Variants in NT5C1A observed in about 807,000 individuals in gnomAD.
NT5C1A encodes cytosolic 5'-nucleotidase 1A.
NT5C1A carries 18 observed loss-of-function variants against 31.0 expected under a neutral mutation model. That is an observed-to-expected ratio of 0.58 (90% CI 0.40 to 0.86). The LOEUF (loss-of-function observed/expected upper bound fraction) is 0.86. Ranked by LOEUF, NT5C1A falls within the 40% of genes least tolerant of loss-of-function variation. NT5C1A has a pLI of 0.00. For missense variants in NT5C1A, 470 were observed against 505.4 expected, an observed-to-expected ratio of 0.93 and a Z score of 0.67; for synonymous variants, 185 against 203.6, an observed-to-expected ratio of 0.91 and a Z score of 0.78.
rs1346868220 is a variant in NT5C1A, at chr1:39,652,602, C to T, written c.*6519G>A. Among the ~76,000 whole-genome samples, 1 of 152,126 alleles carries T rather than the reference C, an allele frequency of 6.6e-6. No homozygotes were observed. The highest frequency in any genetic ancestry group is 2.4e-5 in the African/African-American group (1 of 41,400). On this transcript the variant is annotated 3_prime_UTR_variant, in exon 6 of 6. Coordinates refer to ENST00000235628, the MANE Select transcript of NT5C1A (RefSeq NM_032526.3). ...CAAGACTAGCCTTGAGGCCTTTACC[C>T]TAATTCCGTGGCAGATGGCCATGAA...
rs758031066 is a variant in NT5C1A, at chr1:39,666,093, G to C, written c.279C>G (p.Pro93=). The change falls in exon 2 of 6, where the codon CCC becomes CCG. Residue 93 remains proline, a synonymous_variant. Coordinates refer to ENST00000235628, the MANE Select transcript of NT5C1A (RefSeq NM_032526.3). ...CCTTCACAAAAGGGAAGGCTGGCCC[G>C]GGACTGAAGGGTTCGTTCTCATGTT... is the stretch of plus-strand genomic sequence containing the variant. ...QLEHENEPFS[P]GPAFPFVKAL... 6.2e-7 allele frequency: 1 copy of C among 1,613,340 alleles called. No homozygotes were observed. Among genetic ancestry groups the C allele is most frequent in the African/African-American group, 1.3e-5 (1 of 74,936 alleles).
rs1039067484 is a variant in NT5C1A, at chr1:39,653,826, G to A, written c.*5295C>T. On this transcript the variant is annotated 3_prime_UTR_variant, in exon 6 of 6. Coordinates refer to ENST00000235628, the MANE Select transcript of NT5C1A (RefSeq NM_032526.3). Reference sequence around the variant, plus strand: ...ATCCACCTCCTTGTGTTCTACCCAAGTCAGGTGAGGCTCTGACATCCTCAG... The same window carrying A: ...ATCCACCTCCTTGTGTTCTACCCAAATCAGGTGAGGCTCTGACATCCTCAG... Among the ~76,000 whole-genome samples the A allele has an allele frequency of 6.6e-6, 1 of 152,244 alleles. No homozygotes were observed. The highest frequency in any genetic ancestry group is 1.5e-5 in the Non-Finnish European group (1 of 68,048).
rs1455109285 is a variant in NT5C1A, at chr1:39,657,704, G to GGAGGATCC, written c.*1409_*1416dup. Among the ~76,000 whole-genome samples the GGAGGATCC allele has an allele frequency of 1.3e-5, 2 of 152,210 alleles. No individual in the cohort carries two copies. Among genetic ancestry groups the GGAGGATCC allele is most frequent in the Non-Finnish European group, 2.9e-5 (2 of 68,036 alleles). On this transcript the variant is annotated 3_prime_UTR_variant, in exon 6 of 6. Transcript: ENST00000235628. ...GGGCCGCAGGGGCTCTTGCAAATGT[G>GGAGGATCC]GAGGATCCGCTGATGCATTTCATGG...
chr1:39,652,222 G>A lies in NT5C1A; in HGVS notation c.*6899C>T, dbSNP rs956874819. Among the ~76,000 whole-genome samples, 8 of 151,954 alleles carry A rather than the reference G, an allele frequency of 5.3e-5. No homozygotes were observed. The highest frequency in any genetic ancestry group is 1.9e-4 in the East Asian group (1 of 5,188). ...CCCAAGTCTCTGGGCCTGGGCCAGC[G>A]GATGCAAACTGGAGATTCAAGGGCC... is the stretch of plus-strand genomic sequence containing the variant. On this transcript the variant is annotated 3_prime_UTR_variant, in exon 6 of 6. Transcript: ENST00000235628.
intron 1 of NT5C1A, among the ~76,000 whole-genome samples, chr1:39,670,108 CATTTATTT>C (rs545466311): frequency 6.6e-6 from 1 of 152,070 alleles, no homozygotes; most frequent in Non-Finnish European, 1.5e-5. Context: ...AAATGCATTA[CATTTATTT>C]ATTTATTTAT....
intron 4 of NT5C1A, 101 bp from the exon 5 acceptor site, chr1:39,661,364 T>G: frequency 1.7e-6 from 1 of 590,640 alleles, no homozygotes; most frequent in Non-Finnish European, 3.1e-6. Flanking sequence ...CATACAGGAC[T>G]CAGGGCAAGG....
chr1:39,669,658 A>G (rs1259211256), intron 1 of NT5C1A, among the ~76,000 whole-genome samples: 2 of 152,324 alleles, frequency 1.3e-5, no homozygotes, highest in African/African-American at 4.8e-5. Flanking sequence ...ATGACTGACA[A>G]CTGGGCCTGA....
rs1011558591 is a variant in NT5C1A at position 39,657,204 on chromosome 1, T to A, written c.*1917A>T. Among the ~76,000 whole-genome samples, 1 of 152,060 alleles carries A rather than the reference T, an allele frequency of 6.6e-6. No homozygotes were observed. On this transcript the variant is annotated 3_prime_UTR_variant, in exon 6 of 6. Coordinates refer to ENST00000235628, the MANE Select transcript of NT5C1A (RefSeq NM_032526.3). ...CCAGCCTCATGGAGACCTCTGACAA[T>A]GACAGTAAAAACTCAGCCCAGCCTT...
chr1:39,665,512 C>T lies in NT5C1A; in HGVS notation c.433+9G>A, dbSNP rs779974089. 3 of 1,608,464 alleles carry T rather than the reference C, an allele frequency of 1.9e-6. No individual in the cohort carries two copies. The highest frequency in any genetic ancestry group is 2.2e-5 in the East Asian group (1 of 44,766). ...AGGGCAAACCCCCCATCCTCATGCT[C>T]ATGCTCACCATAGTGGTTGATACTG... On this transcript the variant is annotated intron_variant, in intron 3 of 5. Coordinates refer to ENST00000235628, the MANE Select transcript of NT5C1A (RefSeq NM_032526.3).
At chr1:39,663,514 C>A in intron 3 of NT5C1A, 80 bp from the exon 4 acceptor site, 1 of 1,462,836 alleles carries the variant, frequency 6.8e-7, no homozygotes, top group Non-Finnish European at 9.5e-7. Flanking sequence ...CCAGTGCACA[C>A]CATCCTAGTT....
Position 39,671,881 on chromosome 1 carries a change from G to T in NT5C1A, c.135+23C>A, listed in dbSNP as rs1177847723. ...CGGGGTAACCCTTCCCCCGTCCCCC[G>T]CATACCCGTGCATTGCTTTTACCGA... On this transcript the variant is annotated intron_variant, in intron 1 of 5. Transcript: ENST00000235628. 3 of 1,611,706 alleles carry T rather than the reference G, an allele frequency of 1.9e-6. No individual in the cohort carries two copies. The Admixed American group carries it at 5.0e-5, about 27-fold the overall frequency.
At position 39,657,226 on chromosome 1, in the gene NT5C1A, C is replaced by G. The variant is rs1646468525; in HGVS notation, c.*1895G>C. On this transcript the variant is annotated 3_prime_UTR_variant, in exon 6 of 6. Coordinates refer to ENST00000235628, the MANE Select transcript of NT5C1A (RefSeq NM_032526.3). ...CAATGACAGTAAAAACTCAGCCCAG[C>G]CTTTCTCTTCTGGCCCAAATCGTTG... 1.3e-5 allele frequency among the ~76,000 whole-genome samples: 2 copies of G among 152,194 alleles called. No homozygotes were observed. Among genetic ancestry groups the G allele is most frequent in the Non-Finnish European group, 2.9e-5 (2 of 68,042 alleles).
rs1646445943 is a variant in NT5C1A at position 39,653,754 on chromosome 1, A to C, written c.*5367T>G. Among the ~76,000 whole-genome samples, 2 of 152,182 alleles carry C rather than the reference A, an allele frequency of 1.3e-5. No homozygotes were observed. Among genetic ancestry groups the C allele is most frequent in the Non-Finnish European group, 2.9e-5 (2 of 68,020 alleles). On this transcript the variant is annotated 3_prime_UTR_variant, in exon 6 of 6. Coordinates refer to ENST00000235628, the MANE Select transcript of NT5C1A (RefSeq NM_032526.3). ...TGGTTTTGTGTTTTGCTTTAAGACT[A>C]GATAAAACCCGTGATCTGGGAAGCC... is the stretch of plus-strand genomic sequence containing the variant.
At position 39,661,041 on chromosome 1, in the gene NT5C1A, CTTGT is replaced by C. The variant is rs751684415; in HGVS notation, c.741+34_741+37del. The C allele has an allele frequency of 8.8e-6, 12 of 1,362,926 alleles. No homozygotes were observed. The East Asian group carries it at 2.6e-4, about 29-fold the overall frequency. 84.4% of individuals were successfully genotyped at this position (1,362,926 alleles called of 1,614,324 possible). ...GCCAAGGGCAGGTCTGGGGAGCTGCCTTGTTCCTCTCAGGGGTTCTGGGTCTATG... is the reference window on the plus strand; with the variant it reads ...GCCAAGGGCAGGTCTGGGGAGCTGCCTCCTCTCAGGGGTTCTGGGTCTATG... On this transcript the variant is annotated intron_variant, in intron 5 of 5. Transcript: ENST00000235628.
At chr1:39,665,956 TG>T in intron 2 of NT5C1A, 112 bp downstream of exon 2, 1 of 975,546 alleles carries the variant, frequency 1.0e-6, no homozygotes, top group Non-Finnish European at 1.5e-6. Flanking sequence ...TGTACCTGTG[TG>T]GTTACATCTG....
At chr1:39,664,490 C>CCCTCTCCTCTCCT (rs1553485419) in intron 3 of NT5C1A, among the ~76,000 whole-genome samples, 3 of 2,900 alleles carry the variant, frequency 1.0e-3, no homozygotes, top group Non-Finnish European at 6.1e-4. Context: ...GTGGATTTCT[C>CCCTCTCCTCTCCT]CTCCTCTCCT....
Position 39,659,132 on chromosome 1 carries a change from A to C in NT5C1A, c.1096T>G (p.Ser366Ala), listed in dbSNP as rs112421279. Reference protein sequence around the residue: ...RRTAPAKQAPSAQ With the variant: ...RRTAPAKQAPAAQ ...AGCCGGTGGTTCAGCTACTGTGCAG[A>C]TGGGGCCTGCTTTGCAGGTGCAGTC... The change falls in exon 6 of 6, where the codon TCT becomes GCT. Residue 366 changes from serine to alanine, a missense_variant. By Grantham distance (99) the Ser-to-Ala change is moderately conservative. Coordinates refer to ENST00000235628, the MANE Select transcript of NT5C1A (RefSeq NM_032526.3). 1.8e-3 allele frequency: 2,948 copies of C among 1,603,112 alleles called. 31 individuals are homozygous for C. In the African/African-American group the frequency reaches 0.032, roughly 17 times the overall value.
In NT5C1A at chr1:39,666,104, G is replaced by A; in HGVS notation, c.268C>T (p.Pro90Ser). Residue 90 changes from proline (P) to serine (S), a missense_variant, in exon 2 of 6, where the codon CCC becomes TCC. Coordinates refer to ENST00000235628, the MANE Select transcript of NT5C1A (RefSeq NM_032526.3). ...VRYQLEHENE[P>S]FSPGPAFPFV... ...GGGAAGGCTGGCCCGGGACTGAAGG[G>A]TTCGTTCTCATGTTCCAGCTGGTAG... 6.2e-7 allele frequency: 1 copy of A among 1,613,650 alleles called. No homozygotes were observed. The highest frequency in any genetic ancestry group is 1.1e-5 in the South Asian group (1 of 91,076).
At chr1:39,663,138 T>G (rs1333294630) in intron 4 of NT5C1A, among the ~76,000 whole-genome samples, 174 bp downstream of exon 4, 3 of 152,176 alleles carry the variant, frequency 2.0e-5, no homozygotes, top group African/African-American at 7.2e-5. Context: ...GGGTAGGGCC[T>G]TGGTTTCAGA....
Sources: allele counts gnomAD v4.1 joint callset (sites outside exome capture counted in the v4.1 genomes callset), GRCh38; gene constraint gnomAD v4.1.1; transcripts MANE v1.5; gene names NCBI Gene and HGNC (gene_info 2026-07-23, HGNC 2026-07-21).